The following CAMK2A variants were observed in gnomAD, a reference collection of about 807,000 sequenced individuals.
The protein encoded by CAMK2A is calcium/calmodulin-dependent protein kinase type II subunit alpha.
A neutral mutation model predicts 79.2 loss-of-function variants in CAMK2A; 7 were observed. That is an observed-to-expected ratio of 0.09 (90% CI 0.05 to 0.17). The LOEUF is 0.17. CAMK2A is among the 10% of genes least tolerant of loss of function. The pLI, the probability that CAMK2A is intolerant of heterozygous loss-of-function variation, is 1.00. For missense variants in CAMK2A, 214 were observed against 646.4 expected (o/e 0.33, Z 7.25); for synonymous variants, 242 against 251.7 (o/e 0.96, Z 0.36).
intron 2 of CAMK2A, among the ~76,000 whole-genome samples, chr5:150,270,647 C>T (rs1756710938): frequency 1.3e-5 from 2 of 151,706 alleles, no homozygotes; most frequent in Admixed American, 6.6e-5. Flanking sequence ...CTAAAAGAAG[C>T]TTTTGCTCCT....
intron 11 of CAMK2A, among the ~76,000 whole-genome samples, chr5:150,248,260 T>A (rs1328751619): frequency 6.6e-6 from 1 of 151,478 alleles, no homozygotes; most frequent in South Asian, 2.1e-4. Flanking sequence ...CATCCCTCCA[T>A]GGCCCCTGGG....
At chr5:150,261,738 G>A (rs1010964480) in intron 3 of CAMK2A, among the ~76,000 whole-genome samples, 16 of 152,226 alleles carry the variant, frequency 1.1e-4, no homozygotes, top group Middle Eastern at 3.4e-3. Context: ...TGCGGAGTTC[G>A]TCTCCCAGAT....
intron 13 of CAMK2A, 90 bp downstream of exon 13, chr5:150,245,071 G>A (rs1427906958): frequency 3.3e-5 from 43 of 1,308,684 alleles, no homozygotes; most frequent in Non-Finnish European, 4.7e-5. Flanking sequence ...CATCAGCAAG[G>A]CCCGGGTCTT....
Position 150,222,698 on chromosome 5 carries a change from C to G in CAMK2A, c.*12G>C, listed in dbSNP as rs1424674038. On this transcript the variant is annotated 3_prime_UTR_variant, in exon 19 of 19. Transcript: ENST00000671881. ...CTGCGGCACAGCAACGCAGCGACCCCAGCCTGGTCCCTCAGCTGTAAGACA... is the reference window on the plus strand; with the variant it reads ...CTGCGGCACAGCAACGCAGCGACCCGAGCCTGGTCCCTCAGCTGTAAGACA... The G allele has an allele frequency of 6.2e-7, 1 of 1,614,042 alleles. No homozygotes were observed. The highest frequency in any genetic ancestry group is 1.1e-5 in the South Asian group (1 of 91,082).
chr5:150,256,705 T>C lies in CAMK2A; in HGVS notation c.339-60A>G. 1.2e-6 allele frequency: 2 copies of C among 1,608,826 alleles called. No individual in the cohort carries two copies. Among genetic ancestry groups the C allele is most frequent in the Non-Finnish European group, 1.7e-6 (2 of 1,175,352 alleles). On this transcript the variant is annotated intron_variant, in intron 5 of 18. Transcript: ENST00000671881. The surrounding 1 kb of genome is among the most constrained non-coding windows in gnomAD (Gnocchi z 4.6). ...TGAGCACAGGCCTCCCCTGGGAAGC[T>C]GACAGCAGGCAAGAGTGCCCTGTCC...
At chr5:150,266,851 T>C (rs1391215554) in intron 2 of CAMK2A, among the ~76,000 whole-genome samples, 2 of 151,766 alleles carry the variant, frequency 1.3e-5, no homozygotes, top group Non-Finnish European at 2.9e-5. Context: ...CCTCTCAGAG[T>C]AGGCAGGTAT....
At chr5:150,278,646 C>T (rs993312384) in intron 1 of CAMK2A, among the ~76,000 whole-genome samples, 5 of 151,550 alleles carry the variant, frequency 3.3e-5, no homozygotes, top group Admixed American at 1.3e-4. Context: ...AGAGCTGTGG[C>T]GGATGGCCAT....
chr5:150,269,130 G>A (rs551656546), intron 2 of CAMK2A, among the ~76,000 whole-genome samples: 6 of 152,274 alleles, frequency 3.9e-5, no homozygotes, highest in African/African-American at 1.2e-4. Context: ...ATGATGGTGA[G>A]AGATCTGAGG....
chr5:150,238,885 CCT>C (rs1257767744), intron 14 of CAMK2A, 137 bp from the exon 15 acceptor site: 1 of 715,856 alleles, frequency 1.4e-6, no homozygotes, highest in African/African-American at 1.8e-5. Flanking sequence ...TCCTGAAAAC[CCT>C]GTCAGATTCT....
At chr5:150,282,778 G>C (rs377001956) in intron 1 of CAMK2A, among the ~76,000 whole-genome samples, 2 of 152,264 alleles carry the variant, frequency 1.3e-5, no homozygotes, top group East Asian at 3.8e-4. Flanking sequence ...CATCTCCCCA[G>C]ATGAGGGTAG....
chr5:150,244,662 C>T (rs1214226114), intron 13 of CAMK2A, among the ~76,000 whole-genome samples: 1 of 152,130 alleles, frequency 6.6e-6, no homozygotes, highest in Admixed American at 6.5e-5. Flanking sequence ...GCAAGCCTTG[C>T]CGGGAGGGGG....
chr5:150,231,245 A>G, intron 16 of CAMK2A, 60 bp downstream of exon 16: 1 of 976,744 alleles, frequency 1.0e-6, no homozygotes, highest in Non-Finnish European at 1.6e-6. Context: ...AAAGTTAGCC[A>G]TTGGTACCCC....
At position 150,219,644 on chromosome 5, in the gene CAMK2A, A is replaced by AG. The variant is rs1754199334; in HGVS notation, c.*3065_*3066insC. ...ACATATTTTTAAAAAAGAAAAGAAA[A>AG]AAAAAAAGAACTAAAACAAAACCCC... On this transcript the variant is annotated 3_prime_UTR_variant, in exon 19 of 19. Coordinates refer to ENST00000671881, the MANE Select transcript of CAMK2A (RefSeq NM_015981.4). The AG allele has an allele frequency of 7.0e-6, 1 of 142,742 alleles. No individual in the cohort carries two copies. The highest frequency in any genetic ancestry group is 1.5e-5 in the Non-Finnish European group (1 of 65,802). 8.8% of individuals were successfully genotyped at this position (142,742 alleles called of 1,614,324 possible).
intron 17 of CAMK2A, among the ~76,000 whole-genome samples, chr5:150,226,057 C>T (rs1470371819): frequency 6.6e-6 from 1 of 152,170 alleles, no homozygotes; most frequent in Non-Finnish European, 1.5e-5. Flanking sequence ...AGAATTCAAT[C>T]TTCCTTGTTA....
At chr5:150,253,650 GC>G (rs1755930555) in intron 6 of CAMK2A, 104 bp from the exon 7 acceptor site, 1 of 1,006,976 alleles carries the variant, frequency 9.9e-7, no homozygotes, top group East Asian at 2.6e-5. Context: ...AGGAAGAACA[GC>G]CCGGCCCTCC....
At chr5:150,250,909 T>G in intron 9 of CAMK2A, 99 bp from the exon 10 acceptor site, 1 of 1,386,280 alleles carries the variant, frequency 7.2e-7, no homozygotes, top group African/African-American at 1.4e-5. Flanking sequence ...GGGGTCCTAC[T>G]GCCCATCCAC....
At chr5:150,288,992 G>T (rs907493602) in intron 1 of CAMK2A, among the ~76,000 whole-genome samples, 2 of 152,194 alleles carry the variant, frequency 1.3e-5, no homozygotes, top group African/African-American at 4.8e-5. Context: ...GTCATGCTCA[G>T]ATATTAACCC....
intron 13 of CAMK2A, among the ~76,000 whole-genome samples, chr5:150,242,015 C>T (rs868590985): frequency 6.6e-6 from 1 of 152,162 alleles, no homozygotes; most frequent in Admixed American, 6.5e-5. Context: ...GCATCAGATT[C>T]GGACGCACAG....
chr5:150,269,184 C>A (rs996504515), intron 2 of CAMK2A, among the ~76,000 whole-genome samples: 2 of 152,184 alleles, frequency 1.3e-5, no homozygotes, highest in Non-Finnish European at 2.9e-5. Flanking sequence ...CCTGGGGGAG[C>A]TTTCCCCAAT....
Sources: allele counts gnomAD v4.1 joint callset (sites outside exome capture counted in the v4.1 genomes callset), GRCh38; gene constraint gnomAD v4.1.1; non-coding constraint Gnocchi (gnomAD v3.1); transcripts MANE v1.5; gene names NCBI Gene and HGNC (gene_info 2026-07-23, HGNC 2026-07-21).